The following CADM2 variants were observed in gnomAD, a reference collection of about 807,000 sequenced individuals.
The protein encoded by CADM2 is cell adhesion molecule 2.
CADM2 carries 12 observed loss-of-function variants against 49.8 expected under a neutral mutation model. The observed-to-expected ratio is 0.24, with a 90% CI of 0.15 to 0.39. CADM2 has a LOEUF of 0.39. Ranked by LOEUF, CADM2 falls within the 10% of genes least tolerant of loss-of-function variation. The pLI is 1.00. For missense variants in CADM2, 378 were observed against 492.3 expected, an observed-to-expected ratio of 0.77 and a Z score of 2.20; for synonymous variants, 214 against 175.4, an observed-to-expected ratio of 1.22 and a Z score of -1.74.
chr3:85,624,137 A>T (rs981116001), intron 1 of CADM2, among the ~76,000 whole-genome samples: 1 of 152,160 alleles, frequency 6.6e-6, no homozygotes, highest in Non-Finnish European at 1.5e-5. Flanking sequence ...CCATATAGAG[A>T]ATCATTTTGT....
intron 1 of CADM2, among the ~76,000 whole-genome samples, chr3:85,701,936 GAA>G (rs1347104051): frequency 6.6e-6 from 1 of 151,126 alleles, no homozygotes; most frequent in Non-Finnish European, 1.5e-5. Context: ...GAAAGAAAAA[GAA>G]AGAAGAAATA....
In CADM2 at chr3:85,677,184, T is replaced by C. The variant is rs1032687958; in HGVS notation, c.62-49338T>C. 2.0e-5 allele frequency among the ~76,000 whole-genome samples: 3 copies of C among 152,218 alleles called. No homozygotes were observed. The East Asian group carries it at 5.8e-4, about 29-fold the overall frequency. The stretch of plus-strand genomic sequence containing the variant: ...TGTCTACAGTATATATTTATATGTT[T>C]TTTTTAACCCAGGGAATGATTTTAC... On this transcript the variant is annotated intron_variant, in intron 1 of 9. Coordinates refer to ENST00000383699, the MANE Select transcript of CADM2 (RefSeq NM_001167675.2).
intron 1 of CADM2, among the ~76,000 whole-genome samples, chr3:85,248,341 C>A (rs527556194): frequency 2.0e-5 from 3 of 152,192 alleles, no homozygotes; most frequent in South Asian, 2.1e-4. Flanking sequence ...GTGGCCTGAT[C>A]TTCACTCACT....
At chr3:85,668,578 A>T (rs2065644932) in intron 1 of CADM2, among the ~76,000 whole-genome samples, 1 of 152,016 alleles carries the variant, frequency 6.6e-6, no homozygotes, top group Non-Finnish European at 1.5e-5. Context: ...AAGTCTCAGG[A>T]GATCTGATAG....
intron 1 of CADM2, among the ~76,000 whole-genome samples, chr3:85,319,689 G>A (rs186510787): frequency 7.0e-4 from 106 of 152,272 alleles, no homozygotes; most frequent in Non-Finnish European, 1.3e-3. Flanking sequence ...ACGTATGCAG[G>A]AACAGAAAAC....
At chr3:85,519,331 C>T (rs976362691) in intron 1 of CADM2, among the ~76,000 whole-genome samples, 9 of 152,010 alleles carry the variant, frequency 5.9e-5, no homozygotes, top group African/African-American at 1.4e-4. Flanking sequence ...ATATTTCCCT[C>T]GAAGTCATGC....
intron 2 of CADM2, among the ~76,000 whole-genome samples, chr3:85,778,969 A>C (rs1466118281): frequency 6.6e-6 from 1 of 152,194 alleles, no homozygotes; most frequent in Admixed American, 6.5e-5. Flanking sequence ...CATCCTGCCA[A>C]ATGTAAGTGA....
chr3:86,034,670 G>A (rs1228975334), intron 8 of CADM2, among the ~76,000 whole-genome samples: 2 of 151,974 alleles, frequency 1.3e-5, no homozygotes, highest in Non-Finnish European at 2.9e-5. Context: ...TAATTCTCTA[G>A]CTTTCAGCTG....
In CADM2 at chr3:85,874,145, G is replaced by GT. The variant is rs200751140; in HGVS notation, c.239-9144dup. Among the ~76,000 whole-genome samples, 733 of 152,222 alleles carry GT rather than the reference G, an allele frequency of 4.8e-3. 5 individuals are homozygous for GT. Among genetic ancestry groups the GT allele is most frequent in the East Asian group, 0.022 (114 of 5,182 alleles). On this transcript the variant is annotated intron_variant, in intron 3 of 9. Transcript: ENST00000383699. ...ATTTTCAGTTTGTGTACTCTAAGAA[G>GT]TTGTTTATTTCATTAAATAATTATG...
At chr3:85,976,356 A>T (rs1726780816) in intron 8 of CADM2, among the ~76,000 whole-genome samples, 1 of 151,726 alleles carries the variant, frequency 6.6e-6, no homozygotes, top group Middle Eastern at 3.4e-3. Flanking sequence ...TGGAAAGTTT[A>T]GGTAGAAGAC....
chr3:85,007,958 T>C (rs190409527), intron 1 of CADM2, among the ~76,000 whole-genome samples: 29 of 152,302 alleles, frequency 1.9e-4, no homozygotes, highest in African/African-American at 5.5e-4. Flanking sequence ...CATGCAGAAT[T>C]TCTAGGAATT....
At chr3:85,668,163 A>G (rs1481523669) in intron 1 of CADM2, among the ~76,000 whole-genome samples, 2 of 151,826 alleles carry the variant, frequency 1.3e-5, no homozygotes, top group East Asian at 3.9e-4. Context: ...AATGGTGGAG[A>G]TGGCCCTTTC....
chr3:85,086,871 G>A (rs1186219773), intron 1 of CADM2, among the ~76,000 whole-genome samples: 2 of 152,066 alleles, frequency 1.3e-5, no homozygotes, highest in East Asian at 1.9e-4. Context: ...ATATTTATTA[G>A]CACTTTATAT....
intron 1 of CADM2, among the ~76,000 whole-genome samples, chr3:85,698,665 A>G (rs1466803288): frequency 6.6e-6 from 1 of 152,098 alleles, no homozygotes; most frequent in Non-Finnish European, 1.5e-5. Flanking sequence ...AACAGCACTA[A>G]AAGGATGGTG....
intron 1 of CADM2, among the ~76,000 whole-genome samples, chr3:85,027,608 T>C (rs1487113239): frequency 1.3e-5 from 2 of 152,148 alleles, no homozygotes; most frequent in African/African-American, 2.4e-5. Context: ...GTTTTCTTCA[T>C]ATAAAGATTC....
At chr3:85,036,211 G>A (rs774227836) in intron 1 of CADM2, among the ~76,000 whole-genome samples, 16 of 151,982 alleles carry the variant, frequency 1.1e-4, no homozygotes, top group Admixed American at 3.9e-4. Flanking sequence ...TGGTTCTGAA[G>A]CACTGTTCAC....
chr3:85,493,102 G>A (rs1408330761), intron 1 of CADM2, among the ~76,000 whole-genome samples: 1 of 151,978 alleles, frequency 6.6e-6, no homozygotes, highest in East Asian at 1.9e-4. Context: ...TTTTTAAATT[G>A]GATACGGCAT....
chr3:86,010,407 G>T (rs1377626487), intron 8 of CADM2, among the ~76,000 whole-genome samples: 1 of 151,634 alleles, frequency 6.6e-6, no homozygotes, highest in Non-Finnish European at 1.5e-5. Flanking sequence ...AAAGAGTTAT[G>T]CACACTATTT....
intron 1 of CADM2, among the ~76,000 whole-genome samples, chr3:85,035,402 C>T (rs4856558): frequency 0.12 from 18,246 of 152,076 alleles, 2,004 homozygotes; most frequent in African/African-American, 0.29. Flanking sequence ...GTTTCCTTTG[C>T]TATGCAGAAA....
Sources: allele counts gnomAD v4.1 joint callset (sites outside exome capture counted in the v4.1 genomes callset), GRCh38; gene constraint gnomAD v4.1.1; transcripts MANE v1.5; gene names NCBI Gene and HGNC (gene_info 2026-07-23, HGNC 2026-07-21).